The following CAPN3 variants were observed in gnomAD, a reference collection of about 807,000 sequenced individuals.
CAPN3 encodes calpain 3, also known as calpain-3.
CAPN3 carries 88 observed loss-of-function variants against 114.0 expected under a neutral mutation model. That is an observed-to-expected ratio of 0.77 (90% CI 0.65 to 0.92). CAPN3 has a LOEUF of 0.92. Among genes scored for constraint, CAPN3 ranks in the 40% least tolerant of loss-of-function variants. The pLI, the probability that CAPN3 is intolerant of heterozygous loss-of-function variation, is 0.00. For synonymous variants in CAPN3, 386 were observed against 382.9 expected (o/e 1.01, Z -0.09); for missense variants, 1,028 against 1,069.0 (o/e 0.96, Z 0.53).
chr15:42,368,881 A>G (rs2052857847), intron 1 of CAPN3, among the ~76,000 whole-genome samples: 1 of 152,202 alleles, frequency 6.6e-6, no homozygotes, highest in Non-Finnish European at 1.5e-5. Context: ...GTGAAACCCT[A>G]TCTCTACCAA....
intron 1 of CAPN3, among the ~76,000 whole-genome samples, chr15:42,371,686 G>A (rs1255994568): frequency 6.6e-6 from 1 of 152,058 alleles, no homozygotes; most frequent in Non-Finnish European, 1.5e-5. Context: ...TTTTTAGGCT[G>A]GGCGTGGTGG....
intron 1 of CAPN3, among the ~76,000 whole-genome samples, chr15:42,370,867 A>T (rs1478178159): frequency 6.6e-6 from 1 of 152,132 alleles, no homozygotes; most frequent in Non-Finnish European, 1.5e-5. Flanking sequence ...TAACACAATG[A>T]TGTTATGACT....
intron 1 of CAPN3, among the ~76,000 whole-genome samples, chr15:42,365,906 T>C (rs1487132468): frequency 6.6e-6 from 1 of 152,222 alleles, no homozygotes. Context: ...ATTCCTTGTA[T>C]TCTGGTACAC....
chr15:42,384,174 G>A (rs953115805), intron 1 of CAPN3, among the ~76,000 whole-genome samples: 1 of 152,092 alleles, frequency 6.6e-6, no homozygotes, highest in African/African-American at 2.4e-5. Context: ...AGCACTTTGG[G>A]AGGCCGAGGC....
chr15:42,404,026 G>A (rs1322299052), intron 14 of CAPN3: 2 of 609,318 alleles, frequency 3.3e-6, no homozygotes, highest in African/African-American at 2.0e-5. Flanking sequence ...GAAAGGAGAA[G>A]CAATTTGAAC....
chr15:42,394,244 T>A lies in CAPN3; in HGVS notation c.1030-12T>A. On this transcript the variant is annotated splice_polypyrimidine_tract_variant and intron_variant, in intron 7 of 23. Transcript: ENST00000397163. The stretch of plus-strand genomic sequence containing the variant: ...GGCTGCAGAGCATGAGAGCTCTTTC[T>A]GTGTGCTTAAGGTCCCGTTCAAAGG... 6.4e-7 allele frequency: 1 copy of A among 1,553,616 alleles called. No homozygotes were observed. Among genetic ancestry groups the A allele is most frequent in the Non-Finnish European group, 8.7e-7 (1 of 1,147,812 alleles).
intron 15 of CAPN3, among the ~76,000 whole-genome samples, chr15:42,407,415 A>G (rs28364523): frequency 0.069 from 10,478 of 151,608 alleles, 1,139 homozygotes; most frequent in African/African-American, 0.23. Context: ...TGCAAGCTCC[A>G]CCTCCCATGT....
chr15:42,402,388 C>A (rs915389816), intron 12 of CAPN3: 3 of 1,446,952 alleles, frequency 2.1e-6, no homozygotes, highest in Non-Finnish European at 1.8e-6. Context: ...TTTGCACACT[C>A]ACCCTCCTCC....
rs1421824020 is a variant in CAPN3, at chr15:42,399,650, C to T, written c.1352C>T (p.Pro451Leu). The change falls in exon 10 of 24, where the codon CCA becomes CTA. Residue 451 changes from proline (P) to leucine (L), a missense_variant and splice_region_variant. By Grantham distance (98) the Pro-to-Leu change is moderately conservative. Coordinates refer to ENST00000397163, the MANE Select transcript of CAPN3 (RefSeq NM_000070.3). ...TCTGCCGGAGGCTGCCGCAACTTCC[C>T]AGGTGGGAGATGCTCTTGATGGGGG... is the stretch of plus-strand genomic sequence containing the variant. ...GCSAGGCRNF[P>L]DTFWTNPQYR... The T allele has an allele frequency of 6.3e-7, 1 of 1,599,026 alleles. No individual in the cohort carries two copies.
intron 2 of CAPN3, 24 bp downstream of exon 2, chr15:42,384,576 T>A: frequency 6.5e-7 from 1 of 1,538,314 alleles, no homozygotes; most frequent in Non-Finnish European, 9.0e-7. Context: ...TCAGGTCAGA[T>A]CCTGCCAGAT....
At chr15:42,383,804 C>T (rs926475989) in intron 1 of CAPN3, among the ~76,000 whole-genome samples, 1 of 151,690 alleles carries the variant, frequency 6.6e-6, no homozygotes, top group African/African-American at 2.4e-5. Context: ...AACTCCTGAC[C>T]TCAAGTGATC....
Position 42,369,870 on chromosome 15 carries a change from C to T in CAPN3, c.309+9756C>T, listed in dbSNP as rs201523795. Among the ~76,000 whole-genome samples, 359 of 126,976 alleles carry T rather than the reference C, an allele frequency of 2.8e-3. 1 individual carries two copies. Among genetic ancestry groups the T allele is most frequent in the Middle Eastern group, 0.017 (4 of 242 alleles). 83.3% of individuals were successfully genotyped at this position (126,976 alleles called of 152,430 possible). A position where few individuals can be genotyped will look rare whatever the true frequency, so the allele number is the denominator to read the frequency against. ...GCATCAGCACTTTCTTTCTTTCTTT[C>T]TTTTTTTTTTTTTTTTTTGAGACAG... On this transcript the variant is annotated intron_variant, in intron 1 of 23. Coordinates refer to ENST00000397163, the MANE Select transcript of CAPN3 (RefSeq NM_000070.3).
rs767501399 is a variant in CAPN3 at position 42,404,370 on chromosome 15, G to A, written c.1782+593G>A. 2.6e-5 allele frequency: 12 copies of A among 456,398 alleles called. No individual in the cohort carries two copies. The East Asian group carries it at 4.9e-4, about 18-fold the overall frequency. 28.3% of individuals were successfully genotyped at this position (456,398 alleles called of 1,614,324 possible). A position where few individuals can be genotyped will look rare whatever the true frequency, so the allele number is the denominator to read the frequency against. ...TTTTTCACACTTTACACCTTACAAG[G>A]TACTTTTCACATGTGTCATCGCGAT... On this transcript the variant is annotated intron_variant, in intron 14 of 23. Transcript: ENST00000397163.
intron 12 of CAPN3, 115 bp from the exon 13 acceptor site, chr15:42,402,679 G>T: frequency 6.4e-7 from 1 of 1,564,924 alleles, no homozygotes; most frequent in South Asian, 1.1e-5. Flanking sequence ...TAGGGAGGTT[G>T]AAACTGTGAC....
intron 21 of CAPN3, 71 bp from the exon 22 acceptor site, chr15:42,410,813 G>A (rs2054195164): frequency 2.1e-6 from 3 of 1,430,786 alleles, no homozygotes; most frequent in Non-Finnish European, 3.0e-6. Context: ...GTGGCCGAGA[G>A]GCAGGGAAAA....
At chr15:42,402,367 A>G (rs2053896851) in intron 12 of CAPN3, 1 of 1,464,840 alleles carries the variant, frequency 6.8e-7, no homozygotes, top group East Asian at 2.5e-5. Context: ...ACTGCACGTC[A>G]CACACATGCC....
intron 13 of CAPN3, 125 bp downstream of exon 13, chr15:42,403,127 C>A: frequency 1.3e-6 from 1 of 746,286 alleles, no homozygotes; most frequent in Non-Finnish European, 2.4e-6. Flanking sequence ...GAGCCACTGG[C>A]CACATTACCC....
At chr15:42,410,349 C>T in intron 19 of CAPN3, 79 bp from the exon 20 acceptor site, 5 of 1,282,700 alleles carry the variant, frequency 3.9e-6, no homozygotes, top group Non-Finnish European at 5.7e-6. Flanking sequence ...GGTAGGACAG[C>T]CCGGAGTCTC....
Position 42,386,222 on chromosome 15 carries a change from T to C in CAPN3, c.435T>C (p.Leu145=). ...IACLTLNQHL[L]FRVIPHDQSF... ...GCCTGACCCTGAACCAGCACCTTCTTTTCCGAGTCATACCCCATGATCAAA... is the reference window on the plus strand; with the variant it reads ...GCCTGACCCTGAACCAGCACCTTCTCTTCCGAGTCATACCCCATGATCAAA... Residue 145 remains leucine (L), a synonymous_variant, in exon 3 of 24, where the codon CTT becomes CTC. Coordinates refer to ENST00000397163, the MANE Select transcript of CAPN3 (RefSeq NM_000070.3). The C allele has an allele frequency of 6.2e-7, 1 of 1,614,148 alleles. No individual in the cohort carries two copies. The highest frequency in any genetic ancestry group is 1.1e-5 in the South Asian group (1 of 91,084).
Sources: gnomAD v4.1 joint callset for allele counts (sites outside exome capture counted in the v4.1 genomes callset) on GRCh38, gnomAD v4.1.1 for gene constraint, MANE v1.5 for transcripts, NCBI Gene and HGNC (gene_info 2026-07-23, HGNC 2026-07-21) for gene names.